The following EVA1A variants were observed in gnomAD, a reference collection of about 807,000 sequenced individuals.
EVA1A encodes the protein eva-1 homolog A, regulator of programmed cell death.
EVA1A carries 7 observed loss-of-function variants against 9.8 expected under a neutral mutation model. The observed-to-expected ratio is 0.71, with a 90% CI of 0.41 to 1.34. EVA1A has a LOEUF of 1.34. Among genes scored for constraint, EVA1A ranks in the 40% most tolerant of loss-of-function variants. EVA1A has a pLI of 0.01. For missense variants in EVA1A, 206 were observed against 205.9 expected, an observed-to-expected ratio of 1.00 and a Z score of 0.00; for synonymous variants, 90 against 85.6, an observed-to-expected ratio of 1.05 and a Z score of -0.28.
upstream of EVA1A, among the ~76,000 whole-genome samples, chr2:75,564,276 C>T (rs1013944946): frequency 3.3e-5 from 5 of 152,196 alleles, no homozygotes; most frequent in Non-Finnish European, 7.3e-5. Context: ...ACAGGCACAG[C>T]GTACAGCTCC....
rs568985895 is a variant in EVA1A, at chr2:75,528,638, G to A, written c.-191-6151C>T. 1.4e-4 allele frequency among the ~76,000 whole-genome samples: 21 copies of A among 152,230 alleles called. 1 individual carries two copies. Among genetic ancestry groups the A allele is most frequent in the Middle Eastern group, 3.4e-3 (1 of 294 alleles). On this transcript the variant is annotated intron_variant, in intron 1 of 3. Coordinates refer to ENST00000393913, the MANE Select transcript of EVA1A (RefSeq NM_001135032.2). ...CAGGCACCACCCAAGAAGAGTCTGA[G>A]CTCAGACACACCTAGCCCTACTCCC...
At chr2:75,528,284 G>T (rs550927206) in intron 1 of EVA1A, among the ~76,000 whole-genome samples, 1 of 152,274 alleles carries the variant, frequency 6.6e-6, no homozygotes, top group Admixed American at 6.5e-5. Context: ...AGGCGAATAG[G>T]AGGTGCAGAT....
intron 2 of EVA1A, among the ~76,000 whole-genome samples, chr2:75,520,229 T>A (rs991467932): frequency 2.0e-5 from 3 of 152,196 alleles, no homozygotes; most frequent in Non-Finnish European, 2.9e-5. Flanking sequence ...TCCTGTTGCC[T>A]AAATGCCCCC....
intron 1 of EVA1A, among the ~76,000 whole-genome samples, chr2:75,538,248 T>C (rs914539617): frequency 6.6e-6 from 1 of 152,058 alleles, no homozygotes; most frequent in African/African-American, 2.4e-5. Flanking sequence ...GGAGCTGAGA[T>C]TGCACCACTG....
intron 1 of EVA1A, among the ~76,000 whole-genome samples, chr2:75,523,606 C>T (rs1006675613): frequency 6.6e-6 from 1 of 152,206 alleles, no homozygotes; most frequent in Non-Finnish European, 1.5e-5. Flanking sequence ...CTTCCACTGC[C>T]CCATCAACCT....
chr2:75,496,977 T>A (rs923830861), intron 3 of EVA1A, among the ~76,000 whole-genome samples: 2 of 152,214 alleles, frequency 1.3e-5, no homozygotes, highest in Admixed American at 1.3e-4. Flanking sequence ...GATAACTGGC[T>A]AGCTATATGC....
At chr2:75,505,254 T>C (rs1674574294) in intron 3 of EVA1A, among the ~76,000 whole-genome samples, 5 of 152,200 alleles carry the variant, frequency 3.3e-5, no homozygotes, top group Admixed American at 2.6e-4. Flanking sequence ...TGTGATTAAT[T>C]AGCCCCTCCA....
intron 1 of EVA1A, among the ~76,000 whole-genome samples, chr2:75,559,704 G>GGT (rs1467755147): frequency 7.4e-6 from 1 of 134,906 alleles, no homozygotes; most frequent in East Asian, 2.6e-4. Context: ...AGGTGGGGGG[G>GGT]GGGCGGGGGA....
intron 1 of EVA1A, among the ~76,000 whole-genome samples, chr2:75,526,554 C>G (rs1048834627): frequency 1.3e-5 from 2 of 152,162 alleles, no homozygotes; most frequent in African/African-American, 4.8e-5. Flanking sequence ...GATCACCTAG[C>G]TAGAAAATGG....
intron 1 of EVA1A, among the ~76,000 whole-genome samples, chr2:75,526,726 G>A (rs931759272): frequency 1.3e-5 from 2 of 152,226 alleles, no homozygotes; most frequent in African/African-American, 4.8e-5. Flanking sequence ...CAGAGAAATT[G>A]AACAGAAGTC....
intron 1 of EVA1A, among the ~76,000 whole-genome samples, chr2:75,532,198 T>G (rs1675687645): frequency 7.3e-6 from 1 of 137,670 alleles, no homozygotes; most frequent in South Asian, 2.3e-4. Context: ...AGCTTATCCA[T>G]GTAATTAAAC....
chr2:75,493,271 C>T lies in EVA1A; in HGVS notation c.424G>A (p.Val142Met). 2 of 1,613,838 alleles carry T rather than the reference C, an allele frequency of 1.2e-6. No homozygotes were observed. The highest frequency in any genetic ancestry group is 1.1e-5 in the South Asian group (1 of 91,070). Residue 142 changes from valine to methionine, a missense_variant, in exon 4 of 4, where the codon GTG (valine) becomes ATG (methionine). Transcript: ENST00000393913. ...CGATTCAGGCTCCTGGTCCCGGGCA[C>T]CTCAGGCTGGCCATTCATCCAGATC... The part of the protein sequence containing the change: ...REIWMNGQPE[V>M]PGTRSLNRYY
At chr2:75,506,148 C>A (rs1674613196) in intron 3 of EVA1A, among the ~76,000 whole-genome samples, 1 of 152,220 alleles carries the variant, frequency 6.6e-6, no homozygotes, top group South Asian at 2.1e-4. Context: ...TTTACAAAAA[C>A]TCCTTCCTGC....
chr2:75,553,879 C>T (rs11126476), intron 1 of EVA1A, among the ~76,000 whole-genome samples: 56,753 of 152,014 alleles, frequency 0.37, 12,095 homozygotes, highest in Admixed American at 0.53. Context: ...AGTGCTCATT[C>T]CGCCCACTCT....
At chr2:75,504,795 G>C (rs757006967) in intron 3 of EVA1A, among the ~76,000 whole-genome samples, 1 of 151,842 alleles carries the variant, frequency 6.6e-6, no homozygotes, top group African/African-American at 2.4e-5. Flanking sequence ...AGGGCTTGTC[G>C]GGGGGTGGGG....
intron 3 of EVA1A, among the ~76,000 whole-genome samples, chr2:75,506,975 T>C (rs1357450428): frequency 6.6e-6 from 1 of 152,206 alleles, no homozygotes; most frequent in Non-Finnish European, 1.5e-5. Context: ...AGACTTCAAG[T>C]TGAAGCATCA....
At chr2:75,546,463 G>A (rs1676332166) in intron 1 of EVA1A, among the ~76,000 whole-genome samples, 1 of 152,062 alleles carries the variant, frequency 6.6e-6, no homozygotes, top group Admixed American at 6.6e-5. Flanking sequence ...AAAGGCTAAG[G>A]AGTTTGAACA....
chr2:75,547,179 G>A (rs139935189), intron 1 of EVA1A, among the ~76,000 whole-genome samples: 3 of 152,264 alleles, frequency 2.0e-5, no homozygotes, highest in Non-Finnish European at 4.4e-5. Context: ...TCCTCCCTAC[G>A]TGCATTCCCT....
intron 1 of EVA1A, among the ~76,000 whole-genome samples, chr2:75,553,184 G>A (rs1676584497): frequency 6.6e-6 from 1 of 152,120 alleles, no homozygotes; most frequent in Non-Finnish European, 1.5e-5. Context: ...TCATCAGCCT[G>A]GATGCTCCAT....
Sources: gnomAD v4.1 joint callset for allele counts (sites outside exome capture counted in the v4.1 genomes callset) on GRCh38, gnomAD v4.1.1 for gene constraint, MANE v1.5 for transcripts, NCBI Gene and HGNC (gene_info 2026-07-23, HGNC 2026-07-21) for gene names.